Variants in ARFGEF1 observed in about 807,000 individuals in gnomAD.
The protein encoded by ARFGEF1 is brefeldin A-inhibited guanine nucleotide-exchange protein 1.
Under a neutral mutation model 231.0 loss-of-function variants are expected in ARFGEF1, and 42 were observed. The observed-to-expected ratio is 0.18, with a 90% CI of 0.14 to 0.24. ARFGEF1 has a LOEUF of 0.24. Ranked by LOEUF, ARFGEF1 falls within the 10% of genes least tolerant of loss-of-function variation. The probability of loss-of-function intolerance (pLI) is 1.00; values close to 1 mark genes in which losing one functional copy is unlikely to be tolerated. For missense variants in ARFGEF1, 1,345 were observed against 2,192.0 expected (o/e 0.61, Z 7.72); for synonymous variants, 710 against 732.3 (o/e 0.97, Z 0.49).
At chr8:67,275,052 G>A (rs530647450) in intron 9 of ARFGEF1, among the ~76,000 whole-genome samples, 1 of 152,188 alleles carries the variant, frequency 6.6e-6, no homozygotes, top group East Asian at 1.9e-4. Context: ...TATGTATGAA[G>A]TTTTCACAGC....
chr8:67,219,541 C>T lies in ARFGEF1; in HGVS notation c.4228G>A (p.Glu1410Lys). The change falls in exon 30 of 39, where the codon GAA (glutamate) becomes AAA (lysine). Residue 1410 changes from glutamate (E) to lysine (K), a missense_variant. By Grantham distance (56) the Glu-to-Lys change is moderately conservative. This residue lies in a region of ARFGEF1 where 142 missense variants were observed against 227.3 expected (regional missense o/e 0.62). Coordinates refer to ENST00000262215, the MANE Select transcript of ARFGEF1 (RefSeq NM_006421.5). ...GTGTGGCCATATGTTTTCATTATTT[C>T]AAACATTACTGTTAAACCCCTAAAA... is the stretch of plus-strand genomic sequence containing the variant. ...VRTRGLTVMFEIMKTYGHTYE... is the reference protein window; with the variant it reads ...VRTRGLTVMFKIMKTYGHTYE... 1 of 1,606,884 alleles carries T rather than the reference C, an allele frequency of 6.2e-7. No individual in the cohort carries two copies. Among genetic ancestry groups the T allele is most frequent in the Non-Finnish European group, 8.5e-7 (1 of 1,176,746 alleles).
Position 67,253,569 on chromosome 8 carries a change from A to G in ARFGEF1, c.2580T>C (p.Asn860=), listed in dbSNP as rs1013746925. The stretch of plus-strand genomic sequence containing the variant: ...ACTCTTCAGGAAGGTCTTTACTGTC[A>G]TTGATACCTCTATTCATCTTAATGT... ...EQYIKMNRGI[N]DSKDLPEEYL... is the part of the protein sequence containing the mutation. Residue 860 remains asparagine, a synonymous_variant, in exon 18 of 39, where the codon AAT becomes AAC. Coordinates refer to ENST00000262215, the MANE Select transcript of ARFGEF1 (RefSeq NM_006421.5). The G allele has an allele frequency of 2.5e-6, 4 of 1,582,118 alleles. No homozygotes were observed. The highest frequency in any genetic ancestry group is 2.6e-6 in the Non-Finnish European group (3 of 1,153,462).
intron 1 of ARFGEF1, among the ~76,000 whole-genome samples, chr8:67,341,052 C>T (rs1808603202): frequency 6.6e-6 from 1 of 151,990 alleles, no homozygotes; most frequent in Non-Finnish European, 1.5e-5. Flanking sequence ...AGTTCAATAC[C>T]CTAATTTTAC....
At chr8:67,175,379 C>T, downstream of ARFGEF1, 1 of 1,614,198 alleles carries the variant, frequency 6.2e-7, no homozygotes, top group East Asian at 2.2e-5. Flanking sequence ...GCAGCAAGCC[C>T]TGCTAAGAGA....
chr8:67,273,459 T>C lies in ARFGEF1; in HGVS notation c.1338-1523A>G, dbSNP rs147026835. Among the ~76,000 whole-genome samples the C allele has an allele frequency of 3.4e-3, 502 of 145,642 alleles. 3 individuals carry two copies. The highest frequency in any genetic ancestry group is 5.4e-3 in the Non-Finnish European group (361 of 66,662). Reference sequence around the variant, plus strand: ...AAAAAAAAAAAAGTAGCCCAAATGCTGCTTTCAGTCACATTTACACTATAT... The same window carrying C: ...AAAAAAAAAAAAGTAGCCCAAATGCCGCTTTCAGTCACATTTACACTATAT... On this transcript the variant is annotated intron_variant, in intron 9 of 38. Transcript: ENST00000262215.
At chr8:67,210,154 CAAA>C (rs59530693) in intron 34 of ARFGEF1, among the ~76,000 whole-genome samples, 47 of 53,850 alleles carry the variant, frequency 8.7e-4, no homozygotes, top group African/African-American at 2.4e-3. Flanking sequence ...GACTCCGTCT[CAAA>C]AAAAAAAAAA....
At chr8:67,305,247 G>C (rs571836120) in intron 1 of ARFGEF1, among the ~76,000 whole-genome samples, 1 of 152,242 alleles carries the variant, frequency 6.6e-6, no homozygotes, top group East Asian at 1.9e-4. Flanking sequence ...CCTACCATAA[G>C]TTTTTGTGCA....
At chr8:67,261,967 G>A (rs577427301) in intron 14 of ARFGEF1, among the ~76,000 whole-genome samples, 64 of 151,680 alleles carry the variant, frequency 4.2e-4, no homozygotes, top group African/African-American at 1.1e-3. Flanking sequence ...CTTTCAAGTC[G>A]TAAAAGCTGC....
At position 67,216,620 on chromosome 8, in the gene ARFGEF1, T is replaced by TG. The variant is rs774148781; in HGVS notation, c.4655dup (p.Pro1553ThrfsTer7). The stretch of plus-strand genomic sequence containing the variant: ...GCTTTTCACTTACAGGAGATGGAGG[T>TG]GGGGGGGCAGTTTCTCCAGAATTGG... On this transcript the variant is annotated frameshift_variant, in exon 33 of 39. Coordinates refer to ENST00000262215, the MANE Select transcript of ARFGEF1 (RefSeq NM_006421.5). LOFTEE classifies it high-confidence loss of function. The TG allele has an allele frequency of 4.4e-6, 7 of 1,605,828 alleles. No individual in the cohort carries two copies. The highest frequency in any genetic ancestry group is 3.5e-5 in the Admixed American group (2 of 57,680).
intron 3 of ARFGEF1, 83 bp downstream of exon 3, chr8:67,301,141 A>T (rs1312705743): frequency 1.5e-6 from 2 of 1,295,960 alleles, no homozygotes; most frequent in Non-Finnish European, 2.1e-6. Flanking sequence ...CTTTCATGGA[A>T]ATGTCTGAAT....
At chr8:67,249,658 TGTCGCCCAGGCTAGA>T (rs2128883855) in intron 19 of ARFGEF1, among the ~76,000 whole-genome samples, 1 of 140,270 alleles carries the variant, frequency 7.1e-6, no homozygotes, top group Non-Finnish European at 1.5e-5. Context: ...AGTCTCACTC[TGTCGCCCAGGCTAGA>T]GTGCAGTGGC....
chr8:67,184,770 A>AATAAT (rs1182626154), intron 5 of ARFGEF1, among the ~76,000 whole-genome samples: 12 of 134,098 alleles, frequency 8.9e-5, no homozygotes, highest in African/African-American at 3.6e-4. Flanking sequence ...ATAATAATAA[A>AATAAT]GGTTGGGGGG....
At chr8:67,191,938 G>A (rs377401629) in intron 5 of ARFGEF1, among the ~76,000 whole-genome samples, 6 of 152,048 alleles carry the variant, frequency 3.9e-5, no homozygotes, top group African/African-American at 9.7e-5. Flanking sequence ...GCCATCTATT[G>A]AGTGTAAAGT....
At chr8:67,257,506 A>G (rs544685174) in intron 17 of ARFGEF1, among the ~76,000 whole-genome samples, 23 of 152,210 alleles carry the variant, frequency 1.5e-4, no homozygotes, top group Non-Finnish European at 2.9e-4. Context: ...ACAGTTGTCA[A>G]TCATGAACGA....
At chr8:67,307,796 G>A (rs1226722250) in intron 1 of ARFGEF1, among the ~76,000 whole-genome samples, 1 of 152,176 alleles carries the variant, frequency 6.6e-6, no homozygotes, top group East Asian at 1.9e-4. Context: ...TAGTGACCTT[G>A]CCACCAGGAG....
chr8:67,311,323 A>G (rs1436820498), intron 1 of ARFGEF1, among the ~76,000 whole-genome samples: 7 of 85,086 alleles, frequency 8.2e-5, no homozygotes, highest in South Asian at 4.7e-4. Context: ...CAGCTGCCCC[A>G]TCCAGGAGGT....
chr8:67,279,071 C>A (rs1805428519), intron 7 of ARFGEF1, among the ~76,000 whole-genome samples: 2 of 152,064 alleles, frequency 1.3e-5, no homozygotes, highest in African/African-American at 4.8e-5. Context: ...CAAGACCAGC[C>A]TGGGCAACAT....
chr8:67,312,874 A>T (rs1302771085), intron 1 of ARFGEF1, among the ~76,000 whole-genome samples: 1 of 152,208 alleles, frequency 6.6e-6, no homozygotes, highest in Non-Finnish European at 1.5e-5. Context: ...ATGTATGAAT[A>T]ATGTAATGCC....
intron 1 of ARFGEF1, among the ~76,000 whole-genome samples, chr8:67,303,163 C>T (rs1006995967): frequency 8.6e-5 from 13 of 151,874 alleles, no homozygotes; most frequent in Admixed American, 3.3e-4. Context: ...ACAAAATGTA[C>T]GGCAGATGTT....
Sources: gnomAD v4.1 joint callset for allele counts (sites outside exome capture counted in the v4.1 genomes callset) on GRCh38, gnomAD v4.1.1 for gene constraint, gnomAD v4.1.1 regional missense constraint, MANE v1.5 for transcripts, NCBI Gene and HGNC (gene_info 2026-07-23, HGNC 2026-07-21) for gene names.